Variants in MCCC1 observed in about 807,000 individuals in gnomAD.
The protein encoded by MCCC1 is methylcrotonoyl-CoA carboxylase subunit alpha, mitochondrial.
MCCC1 carries 64 observed loss-of-function variants against 83.8 expected under a neutral mutation model. The observed-to-expected ratio is 0.76, with a 90% CI of 0.62 to 0.94. MCCC1 has a LOEUF of 0.94. Among genes scored for constraint, MCCC1 ranks in the 40% least tolerant of loss-of-function variants. The pLI, the probability that MCCC1 is intolerant of heterozygous loss-of-function variation, is 0.00. For missense variants in MCCC1, 807 were observed against 904.7 expected (o/e 0.89, Z 1.39); for synonymous variants, 322 against 315.4 (o/e 1.02, Z -0.22).
chr3:183,041,648 TG>T lies in MCCC1; in HGVS notation c.1185del (p.Phe395LeufsTer8), dbSNP rs1448527228. 1 of 1,614,256 alleles carries T rather than the reference TG, an allele frequency of 6.2e-7. No individual in the cohort carries two copies. Among genetic ancestry groups the T allele is most frequent in the Admixed American group, 1.7e-5 (1 of 60,032 alleles). ...RIYAEDPSNNFMPVAGPLVHL... is the reference protein window; with the variant it reads ...RIYAEDPSNNXMPVAGPLVHL... The stretch of plus-strand genomic sequence containing the variant: ...TGCACTAATGGGCCTGCCACAGGCA[TG>T]AAGTTATTGCTAGGATCTTCTGCAT... On this transcript the variant is annotated frameshift_variant, in exon 11 of 19. Coordinates refer to ENST00000265594, the MANE Select transcript of MCCC1 (RefSeq NM_020166.5). LOFTEE classifies it high-confidence loss of function.
At chr3:183,102,317 C>G (rs973714819), upstream of MCCC1, among the ~76,000 whole-genome samples, 1 of 152,052 alleles carries the variant, frequency 6.6e-6, no homozygotes, top group South Asian at 2.1e-4. Context: ...GAGCTCTTAT[C>G]ATGCCACTAT....
chr3:183,054,347 G>A (rs963035305), intron 8 of MCCC1, among the ~76,000 whole-genome samples: 13 of 151,776 alleles, frequency 8.6e-5, no homozygotes, highest in Non-Finnish European at 5.9e-5. Context: ...CACCATGCCC[G>A]GCTATTTTTT....
chr3:183,049,578 A>G (rs1020506800), intron 9 of MCCC1, among the ~76,000 whole-genome samples: 1 of 151,826 alleles, frequency 6.6e-6, no homozygotes, highest in Non-Finnish European at 1.5e-5. Context: ...TTCAAAAAAA[A>G]AAAAAAGAAA....
intron 1 of MCCC1, among the ~76,000 whole-genome samples, chr3:183,113,390 G>T (rs1302332168): frequency 7.8e-6 from 1 of 128,176 alleles, no homozygotes; most frequent in East Asian, 2.6e-4. Context: ...ACAGGAAGGG[G>T]AACATCATAC....
At chr3:183,115,321 T>C (rs1719571677) in intron 1 of MCCC1, among the ~76,000 whole-genome samples, 1 of 152,190 alleles carries the variant, frequency 6.6e-6, no homozygotes, top group Non-Finnish European at 1.5e-5. Context: ...CTAAGAGCCA[T>C]CTCAGCAAGT....
intron 1 of MCCC1, among the ~76,000 whole-genome samples, chr3:183,110,417 A>G (rs1719473531): frequency 1.4e-5 from 2 of 143,578 alleles, no homozygotes; most frequent in African/African-American, 5.2e-5. Flanking sequence ...TTTTTGAGAC[A>G]GAGTCTCACT....
At chr3:183,100,175 ATT>A (rs1719072243), upstream of MCCC1, among the ~76,000 whole-genome samples, 5 of 152,348 alleles carry the variant, frequency 3.3e-5, no homozygotes, top group Admixed American at 1.3e-4. Context: ...AAAAATGCAC[ATT>A]TGACATGATT....
chr3:183,020,231 T>A lies in MCCC1; in HGVS notation c.1876A>T (p.Ser626Cys). The change falls in exon 17 of 19, where the codon AGT becomes TGT. Residue 626 changes from serine to cysteine, a missense_variant. By Grantham distance (112) the Ser-to-Cys change is moderately radical. Transcript: ENST00000265594. ...GGGACTGGAATGTCAATCTCAATAC[T>A]TCCTTCCTAGAAACAGAAAACAAAC... ...NTIYLFSKEG[S>C]IEIDIPVPKY... 1 of 1,612,608 alleles carries A rather than the reference T, an allele frequency of 6.2e-7. No individual in the cohort carries two copies. Among genetic ancestry groups the A allele is most frequent in the Non-Finnish European group, 8.5e-7 (1 of 1,178,646 alleles).
At chr3:183,035,580 G>C (rs758087600) in intron 13 of MCCC1, among the ~76,000 whole-genome samples, 15 of 148,966 alleles carry the variant, frequency 1.0e-4, no homozygotes, top group Non-Finnish European at 2.2e-4. Flanking sequence ...CCAAGTATCT[G>C]GAATCTGAAC....
At chr3:183,045,616 C>T in intron 9 of MCCC1, 76 bp from the exon 10 acceptor site, 3 of 1,510,804 alleles carry the variant, frequency 2.0e-6, no homozygotes, top group Non-Finnish European at 2.8e-6. Context: ...TGATGCATCA[C>T]ATCAAGTTTT....
At chr3:183,092,929 C>T (rs572470967) in intron 2 of MCCC1, among the ~76,000 whole-genome samples, 4 of 152,222 alleles carry the variant, frequency 2.6e-5, no homozygotes, top group South Asian at 2.1e-4. Context: ...GTTTTGCTCT[C>T]GTCCCCCAGG....
At chr3:183,025,644 A>T in intron 15 of MCCC1, 111 bp downstream of exon 15, 1 of 971,716 alleles carries the variant, frequency 1.0e-6, no homozygotes, top group Non-Finnish European at 1.7e-6. Context: ...TCTCTTAACT[A>T]CAGTCATAAT....
intron 1 of MCCC1, among the ~76,000 whole-genome samples, chr3:183,114,166 C>T (rs779307061): frequency 2.6e-5 from 4 of 152,190 alleles, no homozygotes; most frequent in Non-Finnish European, 5.9e-5. Context: ...TGATAACGCC[C>T]AAAGCCCTGT....
chr3:183,100,328 G>C (rs1209205712), upstream of MCCC1, among the ~76,000 whole-genome samples: 3 of 152,172 alleles, frequency 2.0e-5, no homozygotes, highest in African/African-American at 7.2e-5. Context: ...TATCAAAATA[G>C]ATCCTGGAAG....
At chr3:183,077,731 T>A (rs1019581907) in intron 4 of MCCC1, among the ~76,000 whole-genome samples, 8 of 152,192 alleles carry the variant, frequency 5.3e-5, no homozygotes, top group Admixed American at 2.0e-4. Context: ...AGTTTTATAG[T>A]TTTAGCTCTT....
chr3:183,037,287 A>G lies in MCCC1; in HGVS notation c.1525T>C (p.Cys509Arg), dbSNP rs1286342487. ...SRKAAAKESL[C>R]QAALGLILKE... The stretch of plus-strand genomic sequence containing the variant: ...AGGATGAGACCCAGGGCTGCCTGGC[A>G]TAAAGACTCTTTGGCTGCAGCCTTC... Residue 509 changes from cysteine (C) to arginine (R), a missense_variant, in exon 13 of 19, where the codon TGC becomes CGC. Coordinates refer to ENST00000265594, the MANE Select transcript of MCCC1 (RefSeq NM_020166.5). The G allele has an allele frequency of 1.9e-6, 3 of 1,614,056 alleles. No individual in the cohort carries two copies. The highest frequency in any genetic ancestry group is 2.5e-6 in the Non-Finnish European group (3 of 1,180,050).
At chr3:183,114,691 G>A (rs1221570935) in intron 1 of MCCC1, among the ~76,000 whole-genome samples, 1 of 152,170 alleles carries the variant, frequency 6.6e-6, no homozygotes, top group African/African-American at 2.4e-5. Flanking sequence ...CTCCTAGAGA[G>A]CAAGCCACTT....
chr3:183,115,847 C>T (rs1719578304), exon 1 of MCCC1: 2 of 151,882 alleles, frequency 1.3e-5, no homozygotes, highest in African/African-American at 2.4e-5. Flanking sequence ...AGCAAAACTC[C>T]ATCTCAAATT....
chr3:183,108,527 C>T (rs559965094), intron 1 of MCCC1, among the ~76,000 whole-genome samples: 4 of 152,166 alleles, frequency 2.6e-5, no homozygotes, highest in East Asian at 1.9e-4. Flanking sequence ...TTTCATTCTC[C>T]ACCACTCCTT....
Sources: gnomAD v4.1 joint callset for allele counts (sites outside exome capture counted in the v4.1 genomes callset) on GRCh38, gnomAD v4.1.1 for gene constraint, MANE v1.5 for transcripts, NCBI Gene and HGNC (gene_info 2026-07-23, HGNC 2026-07-21) for gene names.